PCDHGA8: variants seen among roughly 807,000 people sequenced by gnomAD.
PCDHGA8 encodes the protein protocadherin gamma-A8.
A neutral mutation model predicts 59.2 loss-of-function variants in PCDHGA8; 45 were observed. The observed-to-expected ratio is 0.76, with a 90% CI of 0.60 to 0.98. The LOEUF (loss-of-function observed/expected upper bound fraction) is 0.98. Ranked by LOEUF, PCDHGA8 falls within the 50% of genes least tolerant of loss-of-function variation. PCDHGA8 has a pLI of 0.00. For missense variants in PCDHGA8, 1,257 were observed against 1,196.2 expected, an observed-to-expected ratio of 1.05 and a Z score of -0.75; for synonymous variants, 531 against 519.0, an observed-to-expected ratio of 1.02 and a Z score of -0.32.
chr5:141,430,933 G>C (rs2097327058), intron 1 of PCDHGA8: 1 of 1,607,608 alleles, frequency 6.2e-7, no homozygotes, highest in East Asian at 2.2e-5. Flanking sequence ...AGCCCCGGGA[G>C]CTCGCGGAGC....
In PCDHGA8 at chr5:141,491,908, G is replaced by T; in HGVS notation, c.2425-2899G>T. ...GGGGCTCCGAGCACCGGGGGTGGTG[G>T]CGACTGTGGGCGAGGGGAGGTGGGA... On this transcript the variant is annotated intron_variant, in intron 1 of 3. Transcript: ENST00000398604. The surrounding 1 kb of genome is among the most constrained non-coding windows in gnomAD (Gnocchi z 6.9). 7.1e-7 allele frequency: 1 copy of T among 1,408,288 alleles called. No homozygotes were observed. Among genetic ancestry groups the T allele is most frequent in the Non-Finnish European group, 9.4e-7 (1 of 1,060,836 alleles). The allele number at this position is 1,408,288 out of a possible 1,614,324, so 87.2% of individuals were successfully genotyped here. A position where few individuals can be genotyped will look rare whatever the true frequency, so the allele number is the denominator to read the frequency against.
intron 2 of PCDHGA8, among the ~76,000 whole-genome samples, chr5:141,498,421 A>C (rs1328848787): frequency 6.6e-6 from 1 of 152,016 alleles, no homozygotes; most frequent in Non-Finnish European, 1.5e-5. Flanking sequence ...CTGGCACTGG[A>C]GTGAGGGGAT....
chr5:141,498,848 G>A (rs930895553), intron 2 of PCDHGA8, among the ~76,000 whole-genome samples: 3 of 151,908 alleles, frequency 2.0e-5, no homozygotes, highest in Non-Finnish European at 4.4e-5. Context: ...CAGGGGAATC[G>A]CTTGAACCCA....
At position 141,423,009 on chromosome 5, in the gene PCDHGA8, G is replaced by A. The variant is rs371209178; in HGVS notation, c.2424+27772G>A. 28 of 1,614,222 alleles carry A rather than the reference G, an allele frequency of 1.7e-5. No individual in the cohort carries two copies. The East Asian group carries it at 4.9e-4, about 28-fold the overall frequency. On this transcript the variant is annotated intron_variant, in intron 1 of 3. Transcript: ENST00000398604. ...GCTACCTGGTGACCAAGGTGGTTGC[G>A]GTGGACAAAGATTCAGGCCAGAACG...
intron 1 of PCDHGA8, chr5:141,408,394 C>T: frequency 6.2e-7 from 1 of 1,614,034 alleles, no homozygotes; most frequent in Non-Finnish European, 8.5e-7. Flanking sequence ...TGTCGGCTCG[C>T]AAGCTGCGAG....
chr5:141,409,849 C>A (rs772503820), intron 1 of PCDHGA8: 1 of 1,612,106 alleles, frequency 6.2e-7, no homozygotes, highest in South Asian at 1.1e-5. Context: ...TGAGCCTGCG[C>A]GTGTTGGTGG....
chr5:141,393,447 C>G lies in PCDHGA8; in HGVS notation c.634C>G (p.Leu212Val). 6.2e-7 allele frequency: 1 copy of G among 1,614,052 alleles called. No individual in the cohort carries two copies. The change falls in exon 1 of 4, where the codon CTC (leucine) becomes GTC (valine). Residue 212 changes from leucine to valine, a missense_variant. Coordinates refer to ENST00000398604, the MANE Select transcript of PCDHGA8 (RefSeq NM_032088.2). ...GGAAGAGGCTGCTCACCACCTGGTC[C>G]TCACGGCCTCGGATGGCGGCAAGCC... ...REEEAAHHLVLTASDGGKPPR... is the reference protein window; with the variant it reads ...REEEAAHHLVVTASDGGKPPR...
In PCDHGA8 at chr5:141,395,102, G is replaced by A. The variant is rs766050798; in HGVS notation, c.2289G>A (p.Ser763=). 1.2e-6 allele frequency: 2 copies of A among 1,614,172 alleles called. No homozygotes were observed. The highest frequency in any genetic ancestry group is 2.2e-5 in the East Asian group (1 of 44,878). The change falls in exon 1 of 4, where the codon TCG becomes TCA. Residue 763 remains serine, a synonymous_variant. Coordinates refer to ENST00000398604, the MANE Select transcript of PCDHGA8 (RefSeq NM_032088.2). Reference sequence around the variant, plus strand: ...AGGAAGTCTCCCTCACCGCCGACTCGCGGAAGAGTCACCTGATCTTTCCCC... The same window carrying A: ...AGGAAGTCTCCCTCACCGCCGACTCACGGAAGAGTCACCTGATCTTTCCCC... ...YSQEVSLTAD[S]RKSHLIFPQP...
At chr5:141,418,441 A>G (rs2096258419) in intron 1 of PCDHGA8, 3 of 1,614,000 alleles carry the variant, frequency 1.9e-6, no homozygotes, top group South Asian at 1.1e-5. Flanking sequence ...ATCCAGAATT[A>G]GTATTGCAGA....
chr5:141,443,708 T>G (rs2098400247), intron 1 of PCDHGA8, among the ~76,000 whole-genome samples: 1 of 152,192 alleles, frequency 6.6e-6, no homozygotes, highest in Non-Finnish European at 1.5e-5. Context: ...GAATAACATT[T>G]GCATATAAAA....
At chr5:141,481,919 A>C (rs1488201177) in intron 1 of PCDHGA8, among the ~76,000 whole-genome samples, 1 of 151,214 alleles carries the variant, frequency 6.6e-6, no homozygotes, top group Non-Finnish European at 1.5e-5. Context: ...ATCTCAAAAA[A>C]AAAAAAAAAA....
At chr5:141,412,948 G>A in intron 1 of PCDHGA8, 1 of 468,334 alleles carries the variant, frequency 2.1e-6, no homozygotes, top group Non-Finnish European at 3.7e-6. Context: ...TCTGAGCGCC[G>A]CTGTTCACCT....
In PCDHGA8 at chr5:141,423,272, T is replaced by C. The variant is rs372798900; in HGVS notation, c.2424+28035T>C. On this transcript the variant is annotated intron_variant, in intron 1 of 3. Coordinates refer to ENST00000398604, the MANE Select transcript of PCDHGA8 (RefSeq NM_032088.2). ...GCGGACCTCGGCAGCCTCGAGTCTC[T>C]GGCTAACTCTGAAACCTCAGACCTC... 36 of 1,613,586 alleles carry C rather than the reference T, an allele frequency of 2.2e-5. No individual in the cohort carries two copies. In the African/African-American group the frequency reaches 4.4e-4, roughly 20 times the overall value.
chr5:141,417,884 C>A, intron 1 of PCDHGA8: 2 of 1,561,600 alleles, frequency 1.3e-6, no homozygotes, highest in East Asian at 2.4e-5. Flanking sequence ...CGCGCAGAGG[C>A]GCCGGGCCGG....
chr5:141,420,804 G>C (rs1283868316), intron 1 of PCDHGA8, among the ~76,000 whole-genome samples: 1 of 152,188 alleles, frequency 6.6e-6, no homozygotes, highest in Non-Finnish European at 1.5e-5. Context: ...TAAAAATTAA[G>C]CAAGCCCTTT....
chr5:141,409,948 A>G, intron 1 of PCDHGA8: 1 of 1,613,348 alleles, frequency 6.2e-7, no homozygotes, highest in South Asian at 1.1e-5. Context: ...CTCGCTCTGC[A>G]GAGCCCGGCT....
chr5:141,403,530 AG>A (rs1303990777), intron 1 of PCDHGA8: 2 of 1,613,988 alleles, frequency 1.2e-6, no homozygotes. Context: ...ATAAACCCAG[AG>A]CTGGTGCTGG....
chr5:141,505,494 A>G lies in PCDHGA8; in HGVS notation c.2572+13A>G. ...GCGTCCGCCAGTGGTAAGTGGTGTC[A>G]GTGTGTGTATGGAAGAGTGGGAGAC... is the stretch of plus-strand genomic sequence containing the variant. On this transcript the variant is annotated intron_variant, in intron 3 of 3. Transcript: ENST00000398604. The G allele has an allele frequency of 6.8e-6, 11 of 1,614,198 alleles. No homozygotes were observed. Among genetic ancestry groups the G allele is most frequent in the Non-Finnish European group, 9.3e-6 (11 of 1,180,006 alleles).
intron 1 of PCDHGA8, chr5:141,416,429 G>A (rs952059043): frequency 1.3e-5 from 2 of 152,144 alleles, no homozygotes; most frequent in African/African-American, 4.8e-5. Flanking sequence ...AGTGACTAAG[G>A]CTGAAAGTAA....
Sources: allele counts gnomAD v4.1 joint callset (sites outside exome capture counted in the v4.1 genomes callset), GRCh38; gene constraint gnomAD v4.1.1; non-coding constraint Gnocchi (gnomAD v3.1); transcripts MANE v1.5; gene names NCBI Gene and HGNC (gene_info 2026-07-23, HGNC 2026-07-21).